FOXP1: variants seen among roughly 807,000 people sequenced by gnomAD.
FOXP1 encodes the protein forkhead box protein P1.
Under a neutral mutation model 98.2 loss-of-function variants are expected in FOXP1, and 15 were observed. The observed-to-expected ratio is 0.15, with a 90% CI of 0.10 to 0.24. FOXP1 has a LOEUF of 0.24. Among genes scored for constraint, FOXP1 ranks in the 10% least tolerant of loss-of-function variants. The pLI is 1.00. For missense variants in FOXP1, 633 were observed against 848.5 expected, an observed-to-expected ratio of 0.75 and a Z score of 3.15; for synonymous variants, 371 against 314.5, an observed-to-expected ratio of 1.18 and a Z score of -1.90.
intron 4 of FOXP1, among the ~76,000 whole-genome samples, chr3:71,321,621 T>C (rs999403552): frequency 6.6e-6 from 1 of 151,656 alleles, no homozygotes; most frequent in African/African-American, 2.4e-5. Context: ...TTTTTCTTTC[T>C]TTTTTCTTTT....
At chr3:71,448,299 T>C (rs2086637108) in intron 3 of FOXP1, among the ~76,000 whole-genome samples, 1 of 152,198 alleles carries the variant, frequency 6.6e-6, no homozygotes, top group Non-Finnish European at 1.5e-5. Flanking sequence ...TCCTGCTCCA[T>C]TAAGTCTGCG....
chr3:71,539,715 T>C (rs2044636834), intron 2 of FOXP1, among the ~76,000 whole-genome samples: 1 of 152,242 alleles, frequency 6.6e-6, no homozygotes, highest in Non-Finnish European at 1.5e-5. Flanking sequence ...TATTCCTAAG[T>C]ATTTTTGATG....
chr3:71,530,034 G>A (rs2043708344), intron 2 of FOXP1, among the ~76,000 whole-genome samples: 1 of 152,148 alleles, frequency 6.6e-6, no homozygotes, highest in Non-Finnish European at 1.5e-5. Flanking sequence ...CCCTTAACCT[G>A]TGGGATCTGA....
intron 4 of FOXP1, among the ~76,000 whole-genome samples, chr3:71,350,099 T>C (rs987706967): frequency 7.2e-5 from 11 of 152,232 alleles, no homozygotes; most frequent in Admixed American, 3.3e-4. Context: ...AGATGTCAGA[T>C]GGCTCACCTG....
At chr3:71,445,689 CT>C (rs112723777) in intron 3 of FOXP1, among the ~76,000 whole-genome samples, 5,089 of 142,104 alleles carry the variant, frequency 0.036, 182 homozygotes, top group African/African-American at 0.12. Context: ...ATATTTATAC[CT>C]TTTTTTTTTT....
chr3:71,333,046 G>A (rs1378210973), intron 4 of FOXP1: 1 of 152,268 alleles, frequency 6.6e-6, no homozygotes, highest in African/African-American at 2.4e-5. Flanking sequence ...GCAGAGCTGG[G>A]AGGAGTCTAG....
At chr3:71,321,872 G>A (rs544674239) in intron 4 of FOXP1, among the ~76,000 whole-genome samples, 17 of 151,962 alleles carry the variant, frequency 1.1e-4, no homozygotes, top group Non-Finnish European at 2.2e-4. Flanking sequence ...CGCCTGCCTC[G>A]GCCTCCCAAA....
intron 13 of FOXP1, among the ~76,000 whole-genome samples, chr3:70,990,760 TGC>T (rs2040477930): frequency 6.6e-6 from 1 of 152,212 alleles, no homozygotes; most frequent in Non-Finnish European, 1.5e-5. Context: ...TAGAGGGAGC[TGC>T]TTGTGCAGGG....
chr3:71,472,555 C>A (rs59242787), intron 3 of FOXP1, among the ~76,000 whole-genome samples: 11,055 of 151,960 alleles, frequency 0.073, 533 homozygotes, highest in African/African-American at 0.13. Flanking sequence ...ATGATGCCAA[C>A]CCTGAGGGAA....
chr3:71,254,062 T>C (rs2068434546), intron 5 of FOXP1, among the ~76,000 whole-genome samples: 1 of 152,082 alleles, frequency 6.6e-6, no homozygotes, highest in African/African-American at 2.4e-5. Flanking sequence ...TTTCTAGGGG[T>C]GAACAGTTAA....
intron 5 of FOXP1, chr3:71,276,148 G>C (rs1429225688): frequency 6.6e-6 from 1 of 152,140 alleles, no homozygotes; most frequent in African/African-American, 2.4e-5. Flanking sequence ...AGACTTGTGA[G>C]AAAGTATGGA....
intron 5 of FOXP1, among the ~76,000 whole-genome samples, chr3:71,245,549 C>T (rs1160080649): frequency 1.3e-5 from 2 of 151,984 alleles, no homozygotes; most frequent in South Asian, 2.1e-4. Context: ...GAGATACAAG[C>T]CTTCTCTACC....
intron 2 of FOXP1, among the ~76,000 whole-genome samples, chr3:71,533,891 T>C (rs189272434): frequency 4.6e-5 from 7 of 152,280 alleles, no homozygotes; most frequent in African/African-American, 9.6e-5. Context: ...TTTAAGGTGA[T>C]TGTAACCCAA....
intron 7 of FOXP1, among the ~76,000 whole-genome samples, chr3:71,099,713 G>C (rs767852680): frequency 6.6e-6 from 1 of 152,088 alleles, no homozygotes; most frequent in Non-Finnish European, 1.5e-5. Flanking sequence ...AGGTGGTACC[G>C]GGACTATAAC....
rs1277453070 is a variant in FOXP1 at position 70,977,054 on chromosome 3, A to C, written c.1429-12T>G. ...GATTCGAGAATGGCCTGTGAAGCAG[A>C]ATGTAACAGAAGATAATTTATGACC... On this transcript the variant is annotated splice_polypyrimidine_tract_variant and intron_variant, in intron 16 of 20. Transcript: ENST00000649528. 1 of 1,549,492 alleles carries C rather than the reference A, an allele frequency of 6.5e-7. No individual in the cohort carries two copies. The highest frequency in any genetic ancestry group is 8.9e-7 in the Non-Finnish European group (1 of 1,121,262).
chr3:71,398,053 C>CT, intron 3 of FOXP1, among the ~76,000 whole-genome samples: 1 of 152,152 alleles, frequency 6.6e-6, no homozygotes, highest in Non-Finnish European at 1.5e-5. Flanking sequence ...CAACCATTTT[C>CT]TTTTTTTATC....
rs568087080 is a variant in FOXP1 at position 70,954,822 on chromosome 3, G to A, written c.*4425C>T. ...TTTATTGTCTGTATCCGCAGACATG[G>A]AATGATGGAATTACAGTTGATGTCA... On this transcript the variant is annotated 3_prime_UTR_variant, in exon 21 of 21. Transcript: ENST00000649528. The A allele has an allele frequency of 4.3e-6, 1 of 232,296 alleles. No individual in the cohort carries two copies. Among genetic ancestry groups the A allele is most frequent in the African/African-American group, 2.2e-5 (1 of 45,406 alleles). 14.4% of individuals were successfully genotyped at this position (232,296 alleles called of 1,614,324 possible).
intron 11 of FOXP1, among the ~76,000 whole-genome samples, chr3:71,016,891 C>A (rs141690723): frequency 6.6e-6 from 1 of 152,152 alleles, no homozygotes; most frequent in Non-Finnish European, 1.5e-5. Context: ...AGAACTACAC[C>A]TGATCAAAGA....
At chr3:71,398,177 T>C (rs544000613) in intron 3 of FOXP1, among the ~76,000 whole-genome samples, 1 of 152,330 alleles carries the variant, frequency 6.6e-6, no homozygotes, top group East Asian at 1.9e-4. Context: ...AAACCAGAAA[T>C]TGTGCCTCTT....
Sources: gnomAD v4.1 joint callset for allele counts (sites outside exome capture counted in the v4.1 genomes callset) on GRCh38, gnomAD v4.1.1 for gene constraint, MANE v1.5 for transcripts, NCBI Gene and HGNC (gene_info 2026-07-23, HGNC 2026-07-21) for gene names.